Variants in CCM2 observed in about 807,000 individuals in gnomAD.
CCM2 encodes the protein cerebral cavernous malformations 2 protein.
CCM2 carries 25 observed loss-of-function variants against 44.9 expected under a neutral mutation model. The observed-to-expected ratio is 0.56, with a 90% CI of 0.41 to 0.78. The LOEUF (loss-of-function observed/expected upper bound fraction) is 0.78, where lower values mean the gene tolerates loss of function less well. CCM2 is among the 30% of genes least tolerant of loss of function. The pLI, the probability that CCM2 is intolerant of heterozygous loss-of-function variation, is 0.00. For synonymous variants in CCM2, 219 were observed against 241.1 expected, an observed-to-expected ratio of 0.91 and a Z score of 0.85; for missense variants, 481 against 580.6, an observed-to-expected ratio of 0.83 and a Z score of 1.76.
intron 1 of CCM2, among the ~76,000 whole-genome samples, chr7:45,020,955 T>C (rs764212638): frequency 6.6e-5 from 10 of 152,246 alleles, no homozygotes; most frequent in Non-Finnish European, 1.3e-4. Context: ...AACACTTGCT[T>C]AGTGCCCACT....
intron 1 of CCM2, among the ~76,000 whole-genome samples, chr7:45,028,606 G>A (rs1310922356): frequency 3.3e-5 from 5 of 151,982 alleles, no homozygotes; most frequent in Non-Finnish European, 5.9e-5. Context: ...GCAGTCAGCC[G>A]AGATTGCGCC....
intron 2 of CCM2, among the ~76,000 whole-genome samples, chr7:45,055,617 G>C (rs62458148): frequency 0.13 from 20,188 of 152,214 alleles, 1,653 homozygotes; most frequent in Middle Eastern, 0.23. Context: ...GAACCCAGGA[G>C]GCAGAGGTTG....
chr7:45,018,993 C>G (rs1443123490), intron 1 of CCM2, among the ~76,000 whole-genome samples: 1 of 150,694 alleles, frequency 6.6e-6, no homozygotes, highest in Non-Finnish European at 1.5e-5. Context: ...CTCCTGACCT[C>G]AGATGATCTG....
intron 4 of CCM2, among the ~76,000 whole-genome samples, chr7:45,065,772 C>T (rs1798743043): frequency 6.6e-6 from 1 of 151,572 alleles, no homozygotes; most frequent in South Asian, 2.1e-4. Context: ...CCCTCCCCAA[C>T]GCAGGCACAC....
chr7:45,068,454 G>A lies in CCM2; in HGVS notation c.484G>A (p.Gly162Arg), dbSNP rs1361336566. 1 of 1,614,134 alleles carries A rather than the reference G, an allele frequency of 6.2e-7. No individual in the cohort carries two copies. Among genetic ancestry groups the A allele is most frequent in the Admixed American group, 1.7e-5 (1 of 60,014 alleles). Residue 162 changes from glycine to arginine, a missense_variant, in exon 5 of 10, where the codon GGG becomes AGG. By Grantham distance (125) the Gly-to-Arg change is moderately radical (BLOSUM62 -2). Coordinates refer to ENST00000258781, the MANE Select transcript of CCM2 (RefSeq NM_031443.4). ...TGTTGACTTCTCAGCCCAGGACCCA[G>A]GGATCTCCCCCAGCCAGAGTCTGTG... ...LVVLKTAQDP[G>R]ISPSQSLCAE... is the part of the protein sequence containing the mutation.
Position 45,075,965 on chromosome 7 carries a change from C to G in CCM2, c.1243C>G (p.Pro415Ala). 6.2e-7 allele frequency: 1 copy of G among 1,613,134 alleles called. No individual in the cohort carries two copies. The highest frequency in any genetic ancestry group is 8.5e-7 in the Non-Finnish European group (1 of 1,180,016). The change falls in exon 10 of 10, where the codon CCC becomes GCC. Residue 415 changes from proline (P) to alanine (A), a missense_variant. Coordinates refer to ENST00000258781, the MANE Select transcript of CCM2 (RefSeq NM_031443.4). Reference protein sequence around the residue: ...ATGSSDDRSAPSEGDEWDRMI... With the variant: ...ATGSSDDRSAASEGDEWDRMI... ...GGGCAGCTCTGATGACCGGTCGGCACCCTCAGAGGGGGATGAGTGGGACCG... is the reference window on the plus strand; with the variant it reads ...GGGCAGCTCTGATGACCGGTCGGCAGCCTCAGAGGGGGATGAGTGGGACCG...
intron 2 of CCM2, among the ~76,000 whole-genome samples, chr7:45,047,418 T>A (rs1797808782): frequency 6.6e-6 from 1 of 152,150 alleles, no homozygotes; most frequent in African/African-American, 2.4e-5. Flanking sequence ...CTGCCTGTAG[T>A]CCCACCTACT....
intron 1 of CCM2, among the ~76,000 whole-genome samples, chr7:45,035,629 G>A (rs542690591): frequency 6.6e-6 from 1 of 152,302 alleles, no homozygotes; most frequent in South Asian, 2.1e-4. Context: ...AGGTGAAGAA[G>A]GCGGATGCAG....
intron 1 of CCM2, among the ~76,000 whole-genome samples, chr7:45,018,626 G>A (rs1351157619): frequency 1.3e-5 from 2 of 152,132 alleles, no homozygotes; most frequent in Non-Finnish European, 1.5e-5. Context: ...CTCCCAAGGC[G>A]TGAGCCACCA....
At chr7:45,038,195 G>A (rs1583901510) in intron 1 of CCM2, 58 bp from the exon 2 acceptor site, 2 of 1,602,620 alleles carry the variant, frequency 1.2e-6, no homozygotes, top group Non-Finnish European at 8.5e-7. Context: ...TTAACCATAG[G>A]TACAACACAA....
intron 1 of CCM2, 21 bp downstream of exon 1, chr7:45,000,384 CCTA>C (rs1224547545): frequency 1.6e-6 from 2 of 1,270,356 alleles, no homozygotes; most frequent in Admixed American, 3.8e-5. Context: ...GCGGGGGCGT[CCTA>C]CTGCTGTGGT....
At chr7:45,074,988 A>G (rs749751339) in intron 9 of CCM2, among the ~76,000 whole-genome samples, 3 of 152,222 alleles carry the variant, frequency 2.0e-5, no homozygotes, top group Non-Finnish European at 4.4e-5. Flanking sequence ...TGTTGCTAGT[A>G]GCCAGTTGAA....
In CCM2 at chr7:45,072,976, C is replaced by G. The variant is rs1428310688; in HGVS notation, c.803+193C>G. 9.0e-6 allele frequency: 6 copies of G among 668,434 alleles called. No individual in the cohort carries two copies. The East Asian group carries it at 1.6e-4, about 18-fold the overall frequency. 41.4% of individuals were successfully genotyped at this position (668,434 alleles called of 1,614,324 possible). On this transcript the variant is annotated intron_variant, in intron 7 of 9. Coordinates refer to ENST00000258781, the MANE Select transcript of CCM2 (RefSeq NM_031443.4). ...CCTCTCCTCGTAGACTTCTAGAGCC[C>G]TTGCTGTCCCTCTTGTCTCTCCCTG...
chr7:45,029,912 T>C (rs549769247), intron 1 of CCM2, among the ~76,000 whole-genome samples: 18 of 152,262 alleles, frequency 1.2e-4, no homozygotes, highest in Non-Finnish European at 2.5e-4. Context: ...ACGTTAACTT[T>C]GTAAGAATTT....
chr7:45,033,962 T>C (rs1797088567), intron 1 of CCM2, among the ~76,000 whole-genome samples: 1 of 152,172 alleles, frequency 6.6e-6, no homozygotes, highest in South Asian at 2.1e-4. Flanking sequence ...TTACCATGAT[T>C]TCTTGGCTGA....
At chr7:45,033,975 A>G (rs939927894) in intron 1 of CCM2, among the ~76,000 whole-genome samples, 1 of 152,190 alleles carries the variant, frequency 6.6e-6, no homozygotes, top group Non-Finnish European at 1.5e-5. Flanking sequence ...TTGGCTGACA[A>G]ATCATAGGTG....
At chr7:45,055,138 A>G (rs992578112) in intron 2 of CCM2, among the ~76,000 whole-genome samples, 16 of 152,234 alleles carry the variant, frequency 1.1e-4, no homozygotes, top group Non-Finnish European at 2.1e-4. Flanking sequence ...GAAAAGCAAG[A>G]TAATGATGGT....
chr7:45,068,802 G>T (rs1798912865), intron 5 of CCM2, among the ~76,000 whole-genome samples: 1 of 152,056 alleles, frequency 6.6e-6, no homozygotes. Context: ...CCTGCCCACA[G>T]CTCCTCTGCG....
intron 2 of CCM2, among the ~76,000 whole-genome samples, chr7:45,061,642 G>GTTGTTGATGTTGTTGTTC (rs1331483047): frequency 7.7e-4 from 117 of 151,856 alleles, no homozygotes; most frequent in African/African-American, 2.8e-3. Flanking sequence ...TTTTGTTGTT[G>GTTGTTGATGTTGTTGTTC]TTGTTGCTGT....
Sources: allele counts gnomAD v4.1 joint callset (sites outside exome capture counted in the v4.1 genomes callset), GRCh38; gene constraint gnomAD v4.1.1; transcripts MANE v1.5; gene names NCBI Gene and HGNC (gene_info 2026-07-23, HGNC 2026-07-21).